Variants in DOCK1 observed in about 807,000 individuals in gnomAD.
The protein encoded by DOCK1 is dedicator of cytokinesis 1.
A neutral mutation model predicts 262.7 loss-of-function variants in DOCK1; 138 were observed. The observed-to-expected ratio is 0.53, with a 90% CI of 0.46 to 0.61. The LOEUF is 0.61. Ranked by LOEUF, DOCK1 falls within the 20% of genes least tolerant of loss-of-function variation. DOCK1 has a pLI of 0.00. For missense variants in DOCK1, 1,908 were observed against 2,370.7 expected (o/e 0.80, Z 4.05); for synonymous variants, 866 against 867.4 (o/e 1.00, Z 0.03).
intron 27 of DOCK1, among the ~76,000 whole-genome samples, chr10:127,157,486 T>A (rs2053196628): frequency 6.6e-6 from 1 of 152,238 alleles, no homozygotes; most frequent in Admixed American, 6.5e-5. Flanking sequence ...ACTTCTTGAC[T>A]TTTACTCTCA....
At chr10:126,980,809 G>A (rs573232771) in intron 3 of DOCK1, among the ~76,000 whole-genome samples, 42 of 152,254 alleles carry the variant, frequency 2.8e-4, no homozygotes, top group Non-Finnish European at 5.1e-4. Context: ...TCTGCTGCAT[G>A]CACTAAATCT....
intron 29 of DOCK1, among the ~76,000 whole-genome samples, chr10:127,317,284 A>G (rs915567144): frequency 2.0e-5 from 3 of 152,186 alleles, no homozygotes; most frequent in Admixed American, 2.0e-4. Flanking sequence ...CTGAGTTTGG[A>G]CTAGGAGAGT....
intron 31 of DOCK1, among the ~76,000 whole-genome samples, chr10:127,351,409 C>T (rs1387073370): frequency 6.6e-6 from 1 of 152,112 alleles, no homozygotes; most frequent in African/African-American, 2.4e-5. Flanking sequence ...TAGTCTTATT[C>T]CAAAATCAAG....
intron 1 of DOCK1, among the ~76,000 whole-genome samples, chr10:126,963,597 T>C (rs1311516825): frequency 3.6e-4 from 18 of 49,420 alleles, no homozygotes; most frequent in African/African-American, 1.8e-3. Context: ...TCCCTTCCCT[T>C]CCCTTCCCTT....
chr10:127,430,309 T>G (rs1014236786), intron 47 of DOCK1, among the ~76,000 whole-genome samples: 1 of 152,126 alleles, frequency 6.6e-6, no homozygotes, highest in African/African-American at 2.4e-5. Context: ...CTGGGATCCA[T>G]GAGACCCTGG....
intron 48 of DOCK1, among the ~76,000 whole-genome samples, chr10:127,435,050 G>A (rs1375264871): frequency 6.6e-6 from 1 of 152,164 alleles, no homozygotes; most frequent in African/African-American, 2.4e-5. Context: ...TTGCTCTTGA[G>A]TACCCAATAG....
At chr10:127,362,889 A>ATCTC (rs2064605920) in intron 33 of DOCK1, among the ~76,000 whole-genome samples, 1 of 83,928 alleles carries the variant, frequency 1.2e-5, no homozygotes, top group African/African-American at 5.5e-5. Flanking sequence ...ACATCCCCAC[A>ATCTC]CACACACACA....
At chr10:127,320,908 C>T (rs922382029) in intron 29 of DOCK1, among the ~76,000 whole-genome samples, 2 of 152,106 alleles carry the variant, frequency 1.3e-5, no homozygotes, top group Admixed American at 6.5e-5. Context: ...ACCTCACCCT[C>T]ACCCTCACTG....
intron 27 of DOCK1, among the ~76,000 whole-genome samples, chr10:127,236,653 G>T (rs2059076114): frequency 6.6e-6 from 1 of 151,522 alleles, no homozygotes; most frequent in African/African-American, 2.4e-5. Context: ...TCCATTCCAT[G>T]AATATGGTAT....
chr10:127,079,968 AT>A (rs918380263), intron 23 of DOCK1, among the ~76,000 whole-genome samples: 14 of 150,744 alleles, frequency 9.3e-5, no homozygotes, highest in South Asian at 2.1e-4. Context: ...TCCCTAGCTC[AT>A]TTTTTTTTGA....
chr10:127,265,228 A>G (rs1287438845), intron 29 of DOCK1, among the ~76,000 whole-genome samples: 3 of 152,258 alleles, frequency 2.0e-5, no homozygotes, highest in African/African-American at 4.8e-5. Flanking sequence ...GACCATTTCA[A>G]CATCAGAGAT....
intron 29 of DOCK1, among the ~76,000 whole-genome samples, chr10:127,308,559 A>G (rs987748228): frequency 1.1e-4 from 16 of 152,052 alleles, no homozygotes; most frequent in South Asian, 2.1e-4. Context: ...TGCATTAGCT[A>G]TTTGTCCTAA....
chr10:127,007,849 G>C (rs970312572), intron 10 of DOCK1, among the ~76,000 whole-genome samples: 1 of 152,150 alleles, frequency 6.6e-6, no homozygotes, highest in Non-Finnish European at 1.5e-5. Context: ...TGTCAGTATG[G>C]TAGGTTACTG....
intron 1 of DOCK1, among the ~76,000 whole-genome samples, chr10:126,926,980 A>G (rs543284747): frequency 2.0e-4 from 31 of 152,302 alleles, no homozygotes; most frequent in African/African-American, 7.0e-4. Flanking sequence ...GTAGAAATGC[A>G]GTTGAGACAC....
At chr10:127,071,441 C>T (rs143155570) in intron 23 of DOCK1, among the ~76,000 whole-genome samples, 191 of 152,348 alleles carry the variant, frequency 1.3e-3, no homozygotes, top group African/African-American at 4.5e-3. Flanking sequence ...CACTACCTTG[C>T]AGAAATGCAA....
At chr10:127,137,879 A>G in intron 27 of DOCK1, 6 of 1,614,032 alleles carry the variant, frequency 3.7e-6, no homozygotes, top group Non-Finnish European at 5.1e-6. Context: ...TTTTAGATTC[A>G]GTTTTGGATT....
intron 33 of DOCK1, among the ~76,000 whole-genome samples, chr10:127,368,963 T>C (rs1430082554): frequency 6.6e-6 from 1 of 152,210 alleles, no homozygotes; most frequent in Non-Finnish European, 1.5e-5. Context: ...AAAAATAATA[T>C]TTTCAATCAT....
intron 29 of DOCK1, among the ~76,000 whole-genome samples, chr10:127,301,955 A>G (rs1279979872): frequency 5.9e-5 from 9 of 151,770 alleles, no homozygotes; most frequent in Non-Finnish European, 1.3e-4. Context: ...CAAAAAAAAA[A>G]AAAAAGAAAA....
At chr10:127,077,880 A>T (rs2046662574) in intron 23 of DOCK1, among the ~76,000 whole-genome samples, 1 of 151,804 alleles carries the variant, frequency 6.6e-6, no homozygotes, top group African/African-American at 2.4e-5. Context: ...GTGAGTTGAG[A>T]TGGGGGAGCA....
Sources: gnomAD v4.1 joint callset for allele counts (sites outside exome capture counted in the v4.1 genomes callset) on GRCh38, gnomAD v4.1.1 for gene constraint, MANE v1.5 for transcripts, NCBI Gene and HGNC (gene_info 2026-07-23, HGNC 2026-07-21) for gene names.